The following VIPR1 variants were observed in gnomAD, a reference collection of about 807,000 sequenced individuals.
The protein encoded by VIPR1 is vasoactive intestinal peptide receptor 1.
A neutral mutation model predicts 58.8 loss-of-function variants in VIPR1; 59 were observed. That is an observed-to-expected ratio of 1.00 (90% CI 0.81 to 1.25). VIPR1 has a LOEUF of 1.25. Ranked by LOEUF, VIPR1 falls within the 50% of genes most tolerant of loss-of-function variation. The pLI is 0.00. For synonymous variants in VIPR1, 251 were observed against 242.1 expected (o/e 1.04, Z -0.34); for missense variants, 626 against 602.7 (o/e 1.04, Z -0.40).
intron 3 of VIPR1, among the ~76,000 whole-genome samples, chr3:42,525,077 G>A (rs1701157137): frequency 6.6e-6 from 1 of 152,018 alleles, no homozygotes; most frequent in African/African-American, 2.4e-5. Flanking sequence ...GTACTGAGAT[G>A]GGGAAGCGTG....
At chr3:42,526,016 C>A in intron 4 of VIPR1, 23 bp downstream of exon 4, 1 of 1,597,864 alleles carries the variant, frequency 6.3e-7, no homozygotes, top group Non-Finnish European at 8.5e-7. Flanking sequence ...GCACCCCCAC[C>A]TCACCTGCAG....
chr3:42,509,610 G>A (rs1700271656), intron 1 of VIPR1: 1 of 152,262 alleles, frequency 6.6e-6, no homozygotes, highest in South Asian at 2.1e-4. Flanking sequence ...TTGAGCTGAG[G>A]CTAGAGAGTT....
At chr3:42,506,981 T>C (rs1274087490) in intron 1 of VIPR1, 1 of 152,184 alleles carries the variant, frequency 6.6e-6, no homozygotes, top group Non-Finnish European at 1.5e-5. Context: ...GGTTTGACAA[T>C]TGTTAACATC....
chr3:42,511,679 C>T (rs922944905), intron 1 of VIPR1: 1 of 152,272 alleles, frequency 6.6e-6, no homozygotes, highest in African/African-American at 2.4e-5. Context: ...GCAGAAAGAA[C>T]CCTGTTGCTG....
At chr3:42,526,398 C>T (rs1701235947) in intron 4 of VIPR1, among the ~76,000 whole-genome samples, 2 of 152,222 alleles carry the variant, frequency 1.3e-5, no homozygotes. Context: ...CAGTCAGGAA[C>T]AGGGACAGAG....
intron 2 of VIPR1, chr3:42,516,720 A>T (rs560964811): frequency 6.6e-6 from 1 of 152,340 alleles, no homozygotes; most frequent in East Asian, 1.9e-4. Flanking sequence ...GCAGCAGCAA[A>T]ATTCCCAGAG....
At chr3:42,520,719 C>G (rs1020802900) in intron 3 of VIPR1, among the ~76,000 whole-genome samples, 1 of 152,292 alleles carries the variant, frequency 6.6e-6, no homozygotes, top group East Asian at 1.9e-4. Flanking sequence ...GCATCTCTCA[C>G]TCCAGATGGC....
intron 10 of VIPR1, chr3:42,533,193 A>AAGGCCTTCC (rs1701661253): frequency 6.6e-6 from 1 of 152,214 alleles, no homozygotes; most frequent in South Asian, 2.1e-4. Flanking sequence ...GACGTCCCAC[A>AAGGCCTTCC]AGGCCTTCCA....
Position 42,532,331 on chromosome 3 carries a change from C to A in VIPR1, c.1008C>A (p.Tyr336Ter). The A allele has an allele frequency of 6.2e-7, 1 of 1,614,092 alleles. No homozygotes were observed. The change falls in exon 10 of 13, where the codon TAC (tyrosine) becomes TAA (stop). Residue 336 changes from tyrosine (Y) to a stop codon, truncating the protein, a stop_gained and splice_region_variant. Transcript: ENST00000325123. LOFTEE classifies it high-confidence loss of function. ...TCAGGAAGAGTGACAGCAGTCCATA[C>A]TCGTGAGTGTGGGCCTAGTGCCTCA... ...PDIRKSDSSP[Y>*]SRLARSTLLL...
At chr3:42,520,729 C>G (rs968083640) in intron 3 of VIPR1, among the ~76,000 whole-genome samples, 1 of 152,134 alleles carries the variant, frequency 6.6e-6, no homozygotes, top group African/African-American at 2.4e-5. Context: ...CTCCAGATGG[C>G]CTTTTCCTCC....
rs1490769277 is a variant in VIPR1, at chr3:42,536,188, C to A, written c.1281C>A (p.Gly427=). Reference sequence around the variant, plus strand: ...GGCACCCGTCGGGAGGCAGCAACGGCGCCACGTGCAGCACGCAGGTTTCCA... The same window carrying A: ...GGCACCCGTCGGGAGGCAGCAACGGAGCCACGTGCAGCACGCAGGTTTCCA... ...KYRHPSGGSN[G]ATCSTQVSML... The change falls in exon 13 of 13, where the codon GGC becomes GGA. Residue 427 remains glycine, a synonymous_variant. Coordinates refer to ENST00000325123, the MANE Select transcript of VIPR1 (RefSeq NM_004624.4). The A allele has an allele frequency of 1.9e-6, 3 of 1,603,590 alleles. No homozygotes were observed. The highest frequency in any genetic ancestry group is 2.3e-5 in the East Asian group (1 of 44,360).
intron 4 of VIPR1, among the ~76,000 whole-genome samples, 169 bp from the exon 5 acceptor site, chr3:42,527,224 G>T (rs1011297282): frequency 3.3e-5 from 5 of 152,176 alleles, no homozygotes; most frequent in African/African-American, 1.2e-4. Flanking sequence ...AAACCAGGGC[G>T]TTAGGGGTCA....
chr3:42,525,751 G>A, intron 3 of VIPR1, 136 bp from the exon 4 acceptor site: 1 of 910,036 alleles, frequency 1.1e-6, no homozygotes, highest in Non-Finnish European at 1.6e-6. Context: ...GGGTAACTGG[G>A]TCAGGGCAGC....
intron 8 of VIPR1, 72 bp from the exon 9 acceptor site, chr3:42,531,731 C>A: frequency 6.2e-7 from 1 of 1,600,254 alleles, no homozygotes; most frequent in East Asian, 2.2e-5. Context: ...CTGGGGACAA[C>A]TGGGGGAGGT....
At position 42,526,033 on chromosome 3, in the gene VIPR1, G is replaced by A. The variant is rs373851460; in HGVS notation, c.399+40G>A. On this transcript the variant is annotated intron_variant, in intron 4 of 12. Coordinates refer to ENST00000325123, the MANE Select transcript of VIPR1 (RefSeq NM_004624.4). ...ACCCCCACCTCACCTGCAGAGCGCC[G>A]GGGCCCACCTAGGAGACTTTGATCT... 3.6e-5 allele frequency: 56 copies of A among 1,561,114 alleles called. 1 individual carries two copies. The highest frequency in any genetic ancestry group is 3.4e-4 in the African/African-American group (25 of 73,890).
rs1302631643 is a variant in VIPR1 at position 42,537,148 on chromosome 3, C to T, written c.*867C>T. ...AGAGCTGCCCTCCTTGTCCACCCAC[C>T]TATGTGCCAACTGTTGTAACTAGGC... On this transcript the variant is annotated 3_prime_UTR_variant, in exon 13 of 13. Coordinates refer to ENST00000325123, the MANE Select transcript of VIPR1 (RefSeq NM_004624.4). The T allele has an allele frequency of 6.6e-6, 1 of 152,270 alleles. No homozygotes were observed. The highest frequency in any genetic ancestry group is 1.5e-5 in the Non-Finnish European group (1 of 68,074). The allele number at this position is 152,270 out of a possible 1,614,324, so 9.4% of individuals were successfully genotyped here.
intron 1 of VIPR1, chr3:42,507,172 T>C (rs1700154813): frequency 1.3e-5 from 2 of 152,210 alleles, no homozygotes; most frequent in South Asian, 4.1e-4. Flanking sequence ...TTGCTTAATA[T>C]CTAATATTCA....
At chr3:42,495,191 G>C (rs976380715) in intron 1 of VIPR1, among the ~76,000 whole-genome samples, 3 of 151,820 alleles carry the variant, frequency 2.0e-5, no homozygotes, top group African/African-American at 7.3e-5. Context: ...GCATGATCTC[G>C]GCTCACTGCA....
chr3:42,501,924 C>T (rs1699882374), upstream of VIPR1: 1 of 152,232 alleles, frequency 6.6e-6, no homozygotes, highest in South Asian at 2.1e-4. This position sits in a 1 kb window ranked among gnomAD's most constrained non-coding sequence, Gnocchi z 4.8. Flanking sequence ...CTCATCCTCC[C>T]TGGAGCAGGT....
Sources: gnomAD v4.1 joint callset for allele counts (sites outside exome capture counted in the v4.1 genomes callset) on GRCh38, gnomAD v4.1.1 for gene constraint, Gnocchi (gnomAD v3.1) non-coding constraint, MANE v1.5 for transcripts, NCBI Gene and HGNC (gene_info 2026-07-23, HGNC 2026-07-21) for gene names.